Variants in HSPB6 observed in about 807,000 individuals in gnomAD.
HSPB6 encodes heat shock protein family B (small) member 6.
Under a neutral mutation model 10.7 loss-of-function variants are expected in HSPB6, and 8 were observed. The observed-to-expected ratio is 0.75, with a 90% CI of 0.44 to 1.35. The LOEUF is 1.35. Among genes scored for constraint, HSPB6 ranks in the 40% most tolerant of loss-of-function variants. HSPB6 has a pLI of 0.00. For synonymous variants in HSPB6, 128 were observed against 114.2 expected (o/e 1.12, Z -0.77); for missense variants, 232 against 236.0 (o/e 0.98, Z 0.11).
Position 35,756,945 on chromosome 19 carries a change from G to T in HSPB6, c.64C>A (p.Leu22Ile). Reference protein sequence around the residue: ...LRRASAPLPGLSAPGRLFDQR... With the variant: ...LRRASAPLPGISAPGRLFDQR... Reference sequence around the variant, plus strand: ...TCAAAGAGGCGTCCGGGCGCCGAAAGTCCGGGCAACGGGGCCGAGGCGCGG... The same window carrying T: ...TCAAAGAGGCGTCCGGGCGCCGAAATTCCGGGCAACGGGGCCGAGGCGCGG... The change falls in exon 1 of 3, where the codon CTT becomes ATT. Residue 22 changes from leucine (L) to isoleucine (I), a missense_variant. Coordinates refer to ENST00000004982, the MANE Select transcript of HSPB6 (RefSeq NM_144617.3). 6.5e-7 allele frequency: 1 copy of T among 1,543,966 alleles called. No individual in the cohort carries two copies. The highest frequency in any genetic ancestry group is 8.7e-7 in the Non-Finnish European group (1 of 1,146,540).
intron 1 of HSPB6, 26 bp downstream of exon 1, chr19:35,756,785 A>T (rs1425645252): frequency 1.6e-5 from 24 of 1,533,538 alleles, no homozygotes; most frequent in Non-Finnish European, 2.1e-5. Context: ...GAAGTGGTCG[A>T]GTTCACCCCT....
chr19:35,755,347 G>A lies in HSPB6; in HGVS notation c.*175C>T, dbSNP rs1811787744. The A allele has an allele frequency of 2.7e-6, 2 of 738,050 alleles. No individual in the cohort carries two copies. Among genetic ancestry groups the A allele is most frequent in the African/African-American group, 1.8e-5 (1 of 56,972 alleles). The allele number at this position is 738,050 out of a possible 1,614,324, so 45.7% of individuals were successfully genotyped here. Reference sequence around the variant, plus strand: ...GGGGTGTGAGAGCGAGGGTGTCAGTGGAAGGGTCTATGTTATCAAGGCAGT... The same window carrying A: ...GGGGTGTGAGAGCGAGGGTGTCAGTAGAAGGGTCTATGTTATCAAGGCAGT... On this transcript the variant is annotated 3_prime_UTR_variant, in exon 3 of 3. Transcript: ENST00000004982.
In HSPB6 at chr19:35,756,909, C is replaced by T. The variant is rs62109459; in HGVS notation, c.100G>A (p.Gly34Ser). ...APGRLFDQRF[G>S]EGLLEAELAA... ...AGCTCGGCCTCCAGCAGCCCCTCGC[C>T]GAAGCGCTGGTCAAAGAGGCGTCCG... Residue 34 changes from glycine to serine, a missense_variant, in exon 1 of 3, where the codon GGC (glycine) becomes AGC (serine). Coordinates refer to ENST00000004982, the MANE Select transcript of HSPB6 (RefSeq NM_144617.3). 28 of 1,540,134 alleles carry T rather than the reference C, an allele frequency of 1.8e-5. No individual in the cohort carries two copies. The highest frequency in any genetic ancestry group is 2.4e-5 in the East Asian group (1 of 40,892).
In HSPB6 at chr19:35,754,596, A is replaced by G. The variant is rs901055656; in HGVS notation, c.*926T>C. On this transcript the variant is annotated 3_prime_UTR_variant, in exon 3 of 3. Coordinates refer to ENST00000004982, the MANE Select transcript of HSPB6 (RefSeq NM_144617.3). ...AGAGCTCTAGCACATTTATTGGGAG[A>G]GTAAGCCTGGGAAAGACTAAGGGAG... 40 of 905,896 alleles carry G rather than the reference A, an allele frequency of 4.4e-5. No individual in the cohort carries two copies. The highest frequency in any genetic ancestry group is 6.7e-5 in the Non-Finnish European group (38 of 568,288). 56.1% of individuals were successfully genotyped at this position (905,896 alleles called of 1,614,324 possible). A position where few individuals can be genotyped will look rare whatever the true frequency, so the allele number is the denominator to read the frequency against.
intron 1 of HSPB6, 111 bp downstream of exon 1, chr19:35,756,700 T>G (rs1970764560): frequency 8.8e-7 from 1 of 1,136,364 alleles, no homozygotes; most frequent in Admixed American, 2.1e-5. Context: ...AGCTGCGGAC[T>G]CTCCACCCCG....
Position 35,755,593 on chromosome 19 carries a change from G to A in HSPB6, c.412C>T (p.Pro138Ser). The A allele has an allele frequency of 6.5e-7, 1 of 1,532,834 alleles. No individual in the cohort carries two copies. The highest frequency in any genetic ancestry group is 8.7e-7 in the Non-Finnish European group (1 of 1,144,722). 95.0% of individuals were successfully genotyped at this position (1,532,834 alleles called of 1,614,324 possible). The change falls in exon 3 of 3, where the codon CCC becomes TCC. Residue 138 changes from proline (P) to serine (S), a missense_variant. Coordinates refer to ENST00000004982, the MANE Select transcript of HSPB6 (RefSeq NM_144617.3). ...GCCTGGATGGACAGGACGCCCTCGG[G>A]GGACAGCGCGGACGTCACGGCAGCC... ...DPAAVTSALS[P>S]EGVLSIQAAP... is the part of the protein sequence containing the mutation.
In HSPB6 at chr19:35,755,299, G is replaced by A. The variant is rs1003786289; in HGVS notation, c.*223C>T. 10 of 677,068 alleles carry A rather than the reference G, an allele frequency of 1.5e-5. No homozygotes were observed. The highest frequency in any genetic ancestry group is 5.7e-5 in the East Asian group (2 of 35,178). 41.9% of individuals were successfully genotyped at this position (677,068 alleles called of 1,614,324 possible). A position where few individuals can be genotyped will look rare whatever the true frequency, so the allele number is the denominator to read the frequency against. On this transcript the variant is annotated 3_prime_UTR_variant, in exon 3 of 3. Transcript: ENST00000004982. Reference sequence around the variant, plus strand: ...AGGGTCTGGAAGCCGGGGAGTTGTCGGTGTGGGGTCGGAAAGCTGGAGGGG... The same window carrying A: ...AGGGTCTGGAAGCCGGGGAGTTGTCAGTGTGGGGTCGGAAAGCTGGAGGGG...
intron 1 of HSPB6, among the ~76,000 whole-genome samples, chr19:35,756,136 G>A (rs1214517888): frequency 1.3e-5 from 2 of 151,674 alleles, no homozygotes; most frequent in Non-Finnish European, 2.9e-5. Context: ...CCCTTCCCCT[G>A]CAAGGTCAGG....
At position 35,755,764 on chromosome 19, in the gene HSPB6, C is replaced by T; in HGVS notation, c.321+8G>A. On this transcript the variant is annotated splice_region_variant and intron_variant, in intron 2 of 2. Transcript: ENST00000004982. ...CCCGCTCCAGCCCCGCCCCACGCCG[C>T]GGCTCACCGGGCGCTCCTCGTGGCG... 6.4e-7 allele frequency: 1 copy of T among 1,573,560 alleles called. No homozygotes were observed. The highest frequency in any genetic ancestry group is 8.6e-7 in the Non-Finnish European group (1 of 1,161,296).
rs374992974 is a variant in HSPB6, at chr19:35,756,606, G to GC, written c.198+204dup. ...TGGAGAGCTGAGAGCCCCCCACCCCGCCCCCCACCTAAGAGCGACGGGGAC... is the reference window on the plus strand; with the variant it reads ...TGGAGAGCTGAGAGCCCCCCACCCCGCCCCCCCACCTAAGAGCGACGGGGAC... On this transcript the variant is annotated intron_variant, in intron 1 of 2. Transcript: ENST00000004982. 7.7e-5 allele frequency among the ~76,000 whole-genome samples: 11 copies of GC among 142,472 alleles called. 1 individual carries two copies. Among genetic ancestry groups the GC allele is most frequent in the African/African-American group, 2.0e-4 (8 of 39,056 alleles). 93.5% of individuals were successfully genotyped at this position (142,472 alleles called of 152,430 possible). A position where few individuals can be genotyped will look rare whatever the true frequency, so the allele number is the denominator to read the frequency against.
In HSPB6 at chr19:35,755,061, TG is replaced by T. The variant is rs1970735985; in HGVS notation, c.*460del. On this transcript the variant is annotated 3_prime_UTR_variant, in exon 3 of 3. Transcript: ENST00000004982. ...TGTGCAGTCCAGGACGTTTGGGGGGTGGGGGGATTGTGCCTGACTGGCCTGG... is the reference window on the plus strand; with the variant it reads ...TGTGCAGTCCAGGACGTTTGGGGGGTGGGGGATTGTGCCTGACTGGCCTGG... The T allele has an allele frequency of 1.6e-5, 2 of 122,928 alleles. No individual in the cohort carries two copies. Among genetic ancestry groups the T allele is most frequent in the African/African-American group, 1.4e-4 (1 of 7,328 alleles). 7.6% of individuals were successfully genotyped at this position (122,928 alleles called of 1,614,324 possible). A position where few individuals can be genotyped will look rare whatever the true frequency, so the allele number is the denominator to read the frequency against.
At chr19:35,756,067 G>A (rs1287227988) in intron 1 of HSPB6, among the ~76,000 whole-genome samples, 173 bp from the exon 2 acceptor site, 1 of 152,046 alleles carries the variant, frequency 6.6e-6, no homozygotes, top group African/African-American at 2.4e-5. Flanking sequence ...CTGAACAACA[G>A]GGATACGCCC....
chr19:35,755,096 G>A lies in HSPB6; in HGVS notation c.*426C>T, dbSNP rs1970736575. 1 of 322,106 alleles carries A rather than the reference G, an allele frequency of 3.1e-6. No individual in the cohort carries two copies. The allele number at this position is 322,106 out of a possible 1,614,324, so 20.0% of individuals were successfully genotyped here. A position where few individuals can be genotyped will look rare whatever the true frequency, so the allele number is the denominator to read the frequency against. On this transcript the variant is annotated 3_prime_UTR_variant, in exon 3 of 3. Transcript: ENST00000004982. The stretch of plus-strand genomic sequence containing the variant: ...GTGCCTGACTGGCCTGGGGTTGGGG[G>A]AGGGCTGTCTACACCATAATTTGGT...
chr19:35,756,917 T>TGGTCAAAGAGGCGTCCGGGCGCC lies in HSPB6; in HGVS notation c.69_91dup (p.Gln31ArgfsTer56), dbSNP rs1970770582. 1 of 1,541,120 alleles carries TGGTCAAAGAGGCGTCCGGGCGCC rather than the reference T, an allele frequency of 6.5e-7. No individual in the cohort carries two copies. Among genetic ancestry groups the TGGTCAAAGAGGCGTCCGGGCGCC allele is most frequent in the East Asian group, 2.4e-5 (1 of 40,896 alleles). ...CTCCAGCAGCCCCTCGCCGAAGCGC[T>TGGTCAAAGAGGCGTCCGGGCGCC]GGTCAAAGAGGCGTCCGGGCGCCGA... On this transcript the variant is annotated frameshift_variant, in exon 1 of 3. Transcript: ENST00000004982. LOFTEE classifies it high-confidence loss of function.
intron 2 of HSPB6, 33 bp from the exon 3 acceptor site, chr19:35,755,716 C>A (rs1167303002): frequency 6.6e-7 from 1 of 1,525,192 alleles, no homozygotes. Flanking sequence ...CGGCCCCGCC[C>A]CTCCGGCCCG....
In HSPB6 at chr19:35,755,370, AGTG is replaced by A; in HGVS notation, c.*149_*151del. The A allele has an allele frequency of 8.9e-6, 7 of 790,232 alleles. No individual in the cohort carries two copies. The highest frequency in any genetic ancestry group is 1.5e-5 in the South Asian group (1 of 67,908). The allele number at this position is 790,232 out of a possible 1,614,324, so 49.0% of individuals were successfully genotyped here. A position where few individuals can be genotyped will look rare whatever the true frequency, so the allele number is the denominator to read the frequency against. On this transcript the variant is annotated 3_prime_UTR_variant, in exon 3 of 3. Coordinates refer to ENST00000004982, the MANE Select transcript of HSPB6 (RefSeq NM_144617.3). ...GTGGAAGGGTCTATGTTATCAAGGCAGTGTCCAGGATGGAGGTCAGGGCAGAAT... is the reference window on the plus strand; with the variant it reads ...GTGGAAGGGTCTATGTTATCAAGGCATCCAGGATGGAGGTCAGGGCAGAAT...
In HSPB6 at chr19:35,755,665, C is replaced by G; in HGVS notation, c.340G>C (p.Ala114Pro). The change falls in exon 3 of 3, where the codon GCG becomes CCG. Residue 114 changes from alanine (A) to proline (P), a missense_variant. Ala to Pro is a conservative substitution (Grantham distance 27). Transcript: ENST00000004982. ...CGGTAGCGACGGTGGAACTCGCGCG[C>G]GACGAATCCGTGCTCATCCTGGAGG... ...EERPDEHGFV[A>P]REFHRRYRLP... is the part of the protein sequence containing the mutation. 6.5e-7 allele frequency: 1 copy of G among 1,534,542 alleles called. No individual in the cohort carries two copies. Among genetic ancestry groups the G allele is most frequent in the Non-Finnish European group, 8.7e-7 (1 of 1,143,790 alleles).
At position 35,755,666 on chromosome 19, in the gene HSPB6, G is replaced by A. The variant is rs1031603829; in HGVS notation, c.339C>T (p.Val113=). ...HEERPDEHGF[V]AREFHRRYRL... ...GGTAGCGACGGTGGAACTCGCGCGC[G>A]ACGAATCCGTGCTCATCCTGGAGGG... The change falls in exon 3 of 3, where the codon GTC becomes GTT. Residue 113 remains valine (V), a synonymous_variant. Transcript: ENST00000004982. The A allele has an allele frequency of 1.3e-6, 2 of 1,535,040 alleles. No individual in the cohort carries two copies. Among genetic ancestry groups the A allele is most frequent in the Admixed American group, 4.0e-5 (2 of 50,578 alleles).
chr19:35,756,808 C>T lies in HSPB6; in HGVS notation c.198+3G>A. 1 of 1,535,390 alleles carries T rather than the reference C, an allele frequency of 6.5e-7. No individual in the cohort carries two copies. Among genetic ancestry groups the T allele is most frequent in the African/African-American group, 1.4e-5 (1 of 73,092 alleles). On this transcript the variant is annotated splice_donor_region_variant and intron_variant, in intron 1 of 2. Coordinates refer to ENST00000004982, the MANE Select transcript of HSPB6 (RefSeq NM_144617.3). ...CGAGTTCACCCCTCCCCAGGCCTGG[C>T]ACCTGGGCGACGGGCAGCGCCACGC...
Sources: allele counts gnomAD v4.1 joint callset (sites outside exome capture counted in the v4.1 genomes callset), GRCh38; gene constraint gnomAD v4.1.1; transcripts MANE v1.5; gene names NCBI Gene and HGNC (gene_info 2026-07-23, HGNC 2026-07-21).